ABLIM1: variants seen among roughly 807,000 people sequenced by gnomAD.
The protein encoded by ABLIM1 is actin binding LIM protein 1, also known as actin-binding LIM protein 1.
Under a neutral mutation model 107.0 loss-of-function variants are expected in ABLIM1, and 40 were observed. The ratio of observed to expected loss-of-function variants is 0.37; its 90% CI spans 0.29 to 0.49. ABLIM1 has a LOEUF of 0.49. Among genes scored for constraint, ABLIM1 ranks in the 20% least tolerant of loss-of-function variants. The pLI, the probability that ABLIM1 is intolerant of heterozygous loss-of-function variation, is 0.97. For missense variants in ABLIM1, 857 were observed against 1,008.5 expected, an observed-to-expected ratio of 0.85 and a Z score of 2.04; for synonymous variants, 357 against 357.3, an observed-to-expected ratio of 1.00 and a Z score of 0.01.
At chr10:114,787,736 C>A in the ABLIM1 span, among the ~76,000 whole-genome samples, 1 of 138,076 alleles carries the variant, frequency 7.2e-6, no homozygotes, top group Admixed American at 7.2e-5. Context: ...CGGCCAGCCG[C>A]CCCGTCCGGG....
intron 1 of ABLIM1, among the ~76,000 whole-genome samples, chr10:114,678,538 C>A (rs1293682365): frequency 6.6e-6 from 1 of 152,202 alleles, no homozygotes; most frequent in Non-Finnish European, 1.5e-5. Flanking sequence ...CTGTTGAAAG[C>A]AGCCATGTCC....
chr10:114,575,092 A>G (rs1222735554), intron 3 of ABLIM1, among the ~76,000 whole-genome samples: 1 of 152,216 alleles, frequency 6.6e-6, no homozygotes, highest in Non-Finnish European at 1.5e-5. Context: ...TTATACTTCC[A>G]AATAAGCTTT....
At chr10:114,589,217 GT>G (rs780535293) in intron 2 of ABLIM1, among the ~76,000 whole-genome samples, 196 of 136,150 alleles carry the variant, frequency 1.4e-3, no homozygotes, top group African/African-American at 3.8e-3. Context: ...GTGTGTGTGT[GT>G]TTTTTTTTTT....
At chr10:114,543,290 C>A (rs906410558) in intron 6 of ABLIM1, among the ~76,000 whole-genome samples, 3 of 152,208 alleles carry the variant, frequency 2.0e-5, no homozygotes, top group Admixed American at 1.3e-4. Context: ...AAAAGGAAAT[C>A]CTGTATCCAT....
rs148291639 is a variant in ABLIM1, at chr10:114,439,366, G to T, written c.2068-116C>A. The T allele has an allele frequency of 8.3e-5, 84 of 1,012,006 alleles. No homozygotes were observed. The African/African-American group carries it at 1.1e-3, about 13-fold the overall frequency. 62.7% of individuals were successfully genotyped at this position (1,012,006 alleles called of 1,614,324 possible). On this transcript the variant is annotated intron_variant, in intron 20 of 22. Transcript: ENST00000533213. ...TCCAATCCTAACCACTATTTTATTT[G>T]TGTCATCTAAATGACCATGTATTTT...
intron 2 of ABLIM1, among the ~76,000 whole-genome samples, chr10:114,583,240 CATATGAAAAA>C (rs1447237682): frequency 1.3e-5 from 2 of 151,098 alleles, no homozygotes; most frequent in Admixed American, 1.3e-4. Context: ...AGCCAACAGA[CATATGAAAAA>C]ATGCTCAACA....
At chr10:114,655,814 T>A (rs2079481444) in intron 1 of ABLIM1, among the ~76,000 whole-genome samples, 1 of 152,154 alleles carries the variant, frequency 6.6e-6, no homozygotes, top group Admixed American at 6.5e-5. Context: ...GAGAAGACTG[T>A]TAAGAGTAAG....
chr10:114,453,425 A>C lies in ABLIM1; in HGVS notation c.1500T>G (p.Pro500=). 1 of 1,613,876 alleles carries C rather than the reference A, an allele frequency of 6.2e-7. No individual in the cohort carries two copies. The change falls in exon 13 of 23, where the codon CCT becomes CCG. Residue 500 remains proline, a synonymous_variant. Coordinates refer to ENST00000533213, the MANE Select transcript of ABLIM1 (RefSeq NM_002313.7). The part of the protein sequence containing the change: ...SPLPYRPDSR[P]LTPTYAQAPK... ...GGGCCTGAGCGTAAGTTGGAGTTAG[A>C]GGGCGGCTGTCTGGCCGGTAAGGGA...
chr10:114,637,406 T>A (rs1387973598), intron 1 of ABLIM1, among the ~76,000 whole-genome samples: 1 of 152,206 alleles, frequency 6.6e-6, no homozygotes, highest in Non-Finnish European at 1.5e-5. Context: ...TAGGACAAAT[T>A]CCTAAATATC....
At chr10:114,785,715 TTTTG>T in the ABLIM1 span, among the ~76,000 whole-genome samples, 529 of 152,226 alleles carry the variant, frequency 3.5e-3, no homozygotes, top group Non-Finnish European at 5.2e-3. Flanking sequence ...TGGAAACAGT[TTTTG>T]TTTGTTTGTT....
Position 114,543,625 on chromosome 10 carries a change from C to T in ABLIM1, c.894+1380G>A, listed in dbSNP as rs138638403. Reference sequence around the variant, plus strand: ...GTACATAGATTTGAGAACTCTCATACGTTCTTTACACAACAACCTGGTCTA... The same window carrying T: ...GTACATAGATTTGAGAACTCTCATATGTTCTTTACACAACAACCTGGTCTA... On this transcript the variant is annotated intron_variant, in intron 6 of 22. Transcript: ENST00000533213. Among the ~76,000 whole-genome samples the T allele has an allele frequency of 3.7e-3, 571 of 152,312 alleles. 3 individuals carry two copies. The highest frequency in any genetic ancestry group is 6.8e-3 in the Middle Eastern group (2 of 294).
At chr10:114,480,419 G>A (rs978933633) in intron 8 of ABLIM1, among the ~76,000 whole-genome samples, 1 of 152,188 alleles carries the variant, frequency 6.6e-6, no homozygotes, top group Non-Finnish European at 1.5e-5. Context: ...AGGACTTATG[G>A]CTAACATACT....
intron 1 of ABLIM1, among the ~76,000 whole-genome samples, chr10:114,765,844 C>T (rs808294): frequency 0.75 from 113,615 of 152,002 alleles, 42,850 homozygotes; most frequent in African/African-American, 0.84. Context: ...CTAGTATCAG[C>T]GGCCTTGTTT....
chr10:114,505,213 C>G (rs74916551), intron 6 of ABLIM1, among the ~76,000 whole-genome samples: 1,620 of 152,312 alleles, frequency 0.011, 30 homozygotes, highest in African/African-American at 0.038. Flanking sequence ...CAAACTCAGA[C>G]ACTGCCCTAA....
At chr10:114,459,360 A>C (rs537182773) in intron 12 of ABLIM1, among the ~76,000 whole-genome samples, 3 of 152,258 alleles carry the variant, frequency 2.0e-5, no homozygotes, top group Non-Finnish European at 4.4e-5. Flanking sequence ...CTTATCTCAA[A>C]GATATCTTGG....
intron 4 of ABLIM1, among the ~76,000 whole-genome samples, chr10:114,569,275 A>G (rs2071280056): frequency 6.6e-6 from 1 of 151,672 alleles, no homozygotes; most frequent in Non-Finnish European, 1.5e-5. Flanking sequence ...AGCTATCACC[A>G]TATTCTGGAA....
At position 114,583,404 on chromosome 10, in the gene ABLIM1, AACACACACACACAC is replaced by A. The variant is rs1164587300; in HGVS notation, c.380-7819_380-7806del. Among the ~76,000 whole-genome samples the A allele has an allele frequency of 4.9e-3, 350 of 70,782 alleles. 2 individuals carry two copies. The highest frequency in any genetic ancestry group is 0.013 in the South Asian group (22 of 1,682). The allele number at this position is 70,782 out of a possible 152,430, so 46.4% of individuals were successfully genotyped here. ...TGCTCCAAGGCTGTGGAGAAAAGGG[AACACACACACACAC>A]ACACACACACACACACACACACACA... On this transcript the variant is annotated intron_variant, in intron 2 of 22. Transcript: ENST00000533213.
At chr10:114,476,433 G>A (rs1272331746) in intron 8 of ABLIM1, among the ~76,000 whole-genome samples, 2 of 152,092 alleles carry the variant, frequency 1.3e-5, no homozygotes, top group Non-Finnish European at 2.9e-5. Context: ...CCTGAGGTCA[G>A]GAGTTTGAGA....
the ABLIM1 span, among the ~76,000 whole-genome samples, chr10:114,787,811 G>A: frequency 7.6e-6 from 1 of 131,806 alleles, no homozygotes; most frequent in Non-Finnish European, 1.7e-5. Context: ...GCCCGGCCAC[G>A]ACCCCGTCTG....
Sources: allele counts gnomAD v4.1 joint callset (sites outside exome capture counted in the v4.1 genomes callset), GRCh38; gene constraint gnomAD v4.1.1; transcripts MANE v1.5; gene names NCBI Gene and HGNC (gene_info 2026-07-23, HGNC 2026-07-21).